The following CCSER1 variants were observed in gnomAD, a reference collection of about 807,000 sequenced individuals.
The protein encoded by CCSER1 is coiled-coil serine rich protein 1, also known as serine-rich coiled-coil domain-containing protein 1.
In CCSER1, 41 loss-of-function variants were observed where a neutral mutation model predicts 82.0. That is an observed-to-expected ratio of 0.50 (90% CI 0.39 to 0.65). CCSER1 has a LOEUF of 0.65. Among genes scored for constraint, CCSER1 ranks in the 30% least tolerant of loss-of-function variants. CCSER1 has a pLI of 0.00. For synonymous variants in CCSER1, 414 were observed against 383.9 expected (o/e 1.08, Z -0.92); for missense variants, 1,119 against 1,064.2 (o/e 1.05, Z -0.72).
intron 8 of CCSER1, among the ~76,000 whole-genome samples, chr4:90,830,250 C>T (rs17017713): frequency 0.11 from 16,369 of 152,158 alleles, 992 homozygotes; most frequent in African/African-American, 0.15. Context: ...ATGCCATTTA[C>T]TTGTGTATCT....
intron 8 of CCSER1, among the ~76,000 whole-genome samples, chr4:90,830,081 T>C (rs1760943522): frequency 6.6e-6 from 1 of 152,168 alleles, no homozygotes; most frequent in Non-Finnish European, 1.5e-5. Flanking sequence ...CAAATTATCG[T>C]TTCTAGAGAG....
At chr4:91,105,188 C>G (rs1290947492) in intron 10 of CCSER1, among the ~76,000 whole-genome samples, 2 of 152,114 alleles carry the variant, frequency 1.3e-5, no homozygotes, top group Non-Finnish European at 2.9e-5. Flanking sequence ...AAAGCCTTAT[C>G]CCCAAATATA....
intron 6 of CCSER1, among the ~76,000 whole-genome samples, chr4:90,687,981 C>A (rs1403235687): frequency 6.6e-6 from 1 of 152,028 alleles, no homozygotes; most frequent in Non-Finnish European, 1.5e-5. Context: ...CTTTGTTGAG[C>A]CTGAGTTCTG....
intron 4 of CCSER1, among the ~76,000 whole-genome samples, chr4:90,464,716 T>C (rs923591170): frequency 6.6e-6 from 1 of 152,234 alleles, no homozygotes; most frequent in Non-Finnish European, 1.5e-5. Context: ...AAATGTATTA[T>C]TGATTTTTCA....
At chr4:90,637,129 C>T (rs1036339345) in intron 6 of CCSER1, among the ~76,000 whole-genome samples, 3 of 152,040 alleles carry the variant, frequency 2.0e-5, no homozygotes, top group African/African-American at 7.2e-5. Flanking sequence ...TGGCTGAAGG[C>T]GTCTCATTAG....
At chr4:91,402,227 CAG>C (rs1297107144) in intron 10 of CCSER1, among the ~76,000 whole-genome samples, 2 of 152,018 alleles carry the variant, frequency 1.3e-5, no homozygotes, top group East Asian at 1.9e-4. Context: ...ATCCTTTGCC[CAG>C]TTTTTGATGG....
intron 10 of CCSER1, among the ~76,000 whole-genome samples, chr4:91,448,413 G>A (rs1428887588): frequency 1.3e-5 from 2 of 151,952 alleles, no homozygotes; most frequent in African/African-American, 4.8e-5. Flanking sequence ...TTAAATAATA[G>A]TTCAAATTGC....
intron 8 of CCSER1, among the ~76,000 whole-genome samples, chr4:90,846,328 A>G (rs932165640): frequency 2.0e-5 from 3 of 152,220 alleles, no homozygotes; most frequent in Non-Finnish European, 4.4e-5. Flanking sequence ...AAGTTTAGGT[A>G]TATCATCCAT....
rs200413383 is a variant in CCSER1, at chr4:90,964,739, A to AAC, written c.2172+41293_2172+41294insCA. Among the ~76,000 whole-genome samples, 32 of 149,300 alleles carry AAC rather than the reference A, an allele frequency of 2.1e-4. 1 individual carries two copies. The highest frequency in any genetic ancestry group is 8.1e-4 in the East Asian group (4 of 4,936). On this transcript the variant is annotated intron_variant, in intron 9 of 10. Transcript: ENST00000509176. ...GAGCAAGACTCTGTCTCCAAAAAAAAAAAAAAAAAAAAAGCAACAAGAATA... is the reference window on the plus strand; with the variant it reads ...GAGCAAGACTCTGTCTCCAAAAAAAAACAAAAAAAAAAAAAGCAACAAGAATA...
intron 5 of CCSER1, among the ~76,000 whole-genome samples, chr4:90,626,341 A>C (rs1723259744): frequency 1.3e-5 from 2 of 151,996 alleles, no homozygotes; most frequent in Non-Finnish European, 1.5e-5. Context: ...CTAAAGTACT[A>C]CTCTAATTTA....
chr4:91,403,111 A>G lies in CCSER1; in HGVS notation c.2218-195461A>G, dbSNP rs774217608. On this transcript the variant is annotated intron_variant, in intron 10 of 10. Coordinates refer to ENST00000509176, the MANE Select transcript of CCSER1 (RefSeq NM_001145065.2). ...AGTTTTCCTTGAAGAGGTCCTTCAC[A>G]TCTCTTATAAGTTGGATTCATAGGT... Among the ~76,000 whole-genome samples, 57 of 152,074 alleles carry G rather than the reference A, an allele frequency of 3.7e-4. 1 individual carries two copies. The highest frequency in any genetic ancestry group is 1.4e-3 in the Admixed American group (21 of 15,252).
At chr4:91,547,477 A>G (rs1761948855) in intron 10 of CCSER1, among the ~76,000 whole-genome samples, 2 of 152,166 alleles carry the variant, frequency 1.3e-5, no homozygotes, top group Admixed American at 6.6e-5. Context: ...AGTCTGCTGT[A>G]TCTGAAACTA....
chr4:91,473,102 G>A (rs1420935072), intron 10 of CCSER1, among the ~76,000 whole-genome samples: 2 of 152,120 alleles, frequency 1.3e-5, no homozygotes, highest in African/African-American at 4.8e-5. Flanking sequence ...GTATTAGGGG[G>A]AACATAATCC....
chr4:90,975,162 C>G (rs533177131), intron 9 of CCSER1, among the ~76,000 whole-genome samples: 4 of 151,208 alleles, frequency 2.6e-5, no homozygotes, highest in African/African-American at 7.3e-5. Context: ...TCAGAATAGG[C>G]AAATTTATGG....
chr4:91,212,849 A>T (rs1343304701), intron 10 of CCSER1, among the ~76,000 whole-genome samples: 3 of 152,118 alleles, frequency 2.0e-5, no homozygotes, highest in Non-Finnish European at 4.4e-5. Flanking sequence ...GGTAGTAAGC[A>T]TAGTACCCAA....
At chr4:91,435,695 T>C (rs568476224) in intron 10 of CCSER1, among the ~76,000 whole-genome samples, 1 of 152,360 alleles carries the variant, frequency 6.6e-6, no homozygotes, top group East Asian at 1.9e-4. Context: ...CTAACAATTT[T>C]AATTAGACAC....
At position 90,543,849 on chromosome 4, in the gene CCSER1, A is replaced by C. The variant is rs1044526745; in HGVS notation, c.1724+75495A>C. ...AATATTTTTGAAGACATGGTGAATAATTGGTCAGATATAGTTAGGATTAGT... is the reference window on the plus strand; with the variant it reads ...AATATTTTTGAAGACATGGTGAATACTTGGTCAGATATAGTTAGGATTAGT... On this transcript the variant is annotated intron_variant, in intron 5 of 10. Transcript: ENST00000509176. 3.3e-5 allele frequency among the ~76,000 whole-genome samples: 5 copies of C among 152,144 alleles called. 1 individual carries two copies. Among genetic ancestry groups the C allele is most frequent in the Admixed American group, 3.3e-4 (5 of 15,256 alleles).
intron 10 of CCSER1, among the ~76,000 whole-genome samples, chr4:91,167,235 A>G (rs191967070): frequency 8.0e-4 from 110 of 137,614 alleles, no homozygotes; most frequent in Non-Finnish European, 1.3e-3. Context: ...CACACAGACT[A>G]GAGTGCATTG....
intron 3 of CCSER1, among the ~76,000 whole-genome samples, chr4:90,376,064 C>G (rs907871303): frequency 3.3e-5 from 5 of 151,936 alleles, no homozygotes; most frequent in African/African-American, 4.8e-5. Flanking sequence ...TAACTTGCCT[C>G]TCTTCTGAAA....
Sources: allele counts gnomAD v4.1 joint callset (sites outside exome capture counted in the v4.1 genomes callset), GRCh38; gene constraint gnomAD v4.1.1; transcripts MANE v1.5; gene names NCBI Gene and HGNC (gene_info 2026-07-23, HGNC 2026-07-21).